Variants in DVL3 observed in about 807,000 individuals in gnomAD.
DVL3 encodes the protein dishevelled segment polarity protein 3.
Under a neutral mutation model 67.4 loss-of-function variants are expected in DVL3, and 27 were observed. The observed-to-expected ratio is 0.40, with a 90% CI of 0.30 to 0.55. The LOEUF is 0.55. Among genes scored for constraint, DVL3 ranks in the 20% least tolerant of loss-of-function variants. The probability of loss-of-function intolerance (pLI) is 0.46; values close to 1 mark genes in which losing one functional copy is unlikely to be tolerated. For missense variants in DVL3, 819 were observed against 1,021.5 expected, an observed-to-expected ratio of 0.80 and a Z score of 2.70; for synonymous variants, 369 against 396.8, an observed-to-expected ratio of 0.93 and a Z score of 0.83.
At chr3:184,161,541 C>T (rs1209450209) in intron 1 of DVL3, among the ~76,000 whole-genome samples, 7 of 152,174 alleles carry the variant, frequency 4.6e-5, no homozygotes, top group Admixed American at 2.0e-4. Flanking sequence ...GTCATGTCTT[C>T]CCATCTCTGT....
chr3:184,164,599 A>G lies in DVL3; in HGVS notation c.461A>G (p.His154Arg), dbSNP rs144177739. The change falls in exon 4 of 15, where the codon CAT (histidine) becomes CGT (arginine). Residue 154 changes from histidine (H) to arginine (R), a missense_variant and splice_region_variant. Physicochemically the swap from His to Arg is conservative, Grantham distance 29. Coordinates refer to ENST00000313143, the MANE Select transcript of DVL3 (RefSeq NM_004423.4). The surrounding 1 kb of genome is among the most constrained non-coding windows in gnomAD (Gnocchi z 5.3). ...ERPRRRDGPE[H>R]ATRLNGTAKG... ...CCACGCCGGAGGGATGGCCCAGAGC[A>G]TGGTATATCTTCCTGAACACGGACA... The G allele has an allele frequency of 1.9e-6, 3 of 1,552,790 alleles. No individual in the cohort carries two copies. The highest frequency in any genetic ancestry group is 2.7e-5 in the African/African-American group (2 of 73,328).
intron 1 of DVL3, among the ~76,000 whole-genome samples, chr3:184,158,516 C>T (rs1166417750): frequency 6.6e-6 from 1 of 152,056 alleles, no homozygotes; most frequent in Non-Finnish European, 1.5e-5. Context: ...GAATCCTCTC[C>T]GAGGGAGGTG....
chr3:184,155,546 G>A lies in DVL3; in HGVS notation c.-90G>A. On this transcript the variant is annotated 5_prime_UTR_variant, in exon 1 of 15. Transcript: ENST00000313143. The surrounding 1 kb of genome is among the most constrained non-coding windows in gnomAD (Gnocchi z 5.4). ...AGCCGCCGAGCTGGGTTGAGCCGCTGGGCCGCGCCGCGCGCCGCCGCCGTC... is the reference window on the plus strand; with the variant it reads ...AGCCGCCGAGCTGGGTTGAGCCGCTAGGCCGCGCCGCGCGCCGCCGCCGTC... 1.2e-6 allele frequency: 1 copy of A among 858,398 alleles called. No homozygotes were observed. The highest frequency in any genetic ancestry group is 1.4e-6 in the Non-Finnish European group (1 of 713,370). 53.2% of individuals were successfully genotyped at this position (858,398 alleles called of 1,614,324 possible).
At chr3:184,156,477 T>A in intron 1 of DVL3, 1 of 456,732 alleles carries the variant, frequency 2.2e-6, no homozygotes, top group South Asian at 1.5e-5. Context: ...TTCGGGCTTT[T>A]TTCCTCCAGT....
rs1459437342 is a variant in DVL3, at chr3:184,172,295, C to G, written c.*1540C>G. The G allele has an allele frequency of 6.6e-6, 1 of 152,224 alleles. No homozygotes were observed. Among genetic ancestry groups the G allele is most frequent in the East Asian group, 1.9e-4 (1 of 5,192 alleles). 9.4% of individuals were successfully genotyped at this position (152,224 alleles called of 1,614,324 possible). A position where few individuals can be genotyped will look rare whatever the true frequency, so the allele number is the denominator to read the frequency against. On this transcript the variant is annotated 3_prime_UTR_variant, in exon 15 of 15. Coordinates refer to ENST00000313143, the MANE Select transcript of DVL3 (RefSeq NM_004423.4). ...TCTACTTTAAACAAATCATAACTTT[C>G]TCTTTAAGCCTCTGCTATAAATTCT... is the stretch of plus-strand genomic sequence containing the variant.
At chr3:184,156,796 C>A (rs1714209642) in intron 1 of DVL3, 1 of 284,452 alleles carries the variant, frequency 3.5e-6, no homozygotes, top group Non-Finnish European at 7.0e-6. Context: ...GCCTCACTAA[C>A]TGGGCGCTGG....
At position 184,166,122 on chromosome 3, in the gene DVL3, A is replaced by G. The variant is rs780427517; in HGVS notation, c.764-4A>G. The G allele has an allele frequency of 2.5e-6, 4 of 1,612,532 alleles. No individual in the cohort carries two copies. Among genetic ancestry groups the G allele is most frequent in the South Asian group, 1.1e-5 (1 of 90,898 alleles). On this transcript the variant is annotated splice_polypyrimidine_tract_variant and splice_region_variant and intron_variant, in intron 7 of 14. Transcript: ENST00000313143. The surrounding 1 kb of genome is among the most constrained non-coding windows in gnomAD (Gnocchi z 6.7). ...CCCTTAAGGTCTTAAATTACTCTCT[A>G]TAGAAAAATATAACTTCTTGGGCAT...
intron 1 of DVL3, chr3:184,156,409 G>C (rs1461377861): frequency 4.4e-6 from 2 of 456,726 alleles, no homozygotes; most frequent in Middle Eastern, 6.5e-4. Flanking sequence ...CACCGGAACA[G>C]AGAGCCTGAC....
At chr3:184,160,785 C>G (rs1714353749) in intron 1 of DVL3, among the ~76,000 whole-genome samples, 1 of 152,124 alleles carries the variant, frequency 6.6e-6, no homozygotes. Flanking sequence ...ACAGGCAGAC[C>G]CTATCCAAAG....
rs747666443 is a variant in DVL3, at chr3:184,155,728, G to A, written c.93G>A (p.Ala31=). Residue 31 remains alanine (A), a synonymous_variant, in exon 1 of 15, where the codon GCG becomes GCA. Transcript: ENST00000313143. The surrounding 1 kb of genome is among the most constrained non-coding windows in gnomAD (Gnocchi z 5.4). ...LPLPAERVTL[A]DFKGVLQRPS... ...TGCCCGCCGAGCGCGTCACCTTGGC[G>A]GACTTTAAGGGCGTTTTGCAGCGAC... 1.2e-5 allele frequency: 20 copies of A among 1,613,078 alleles called. No individual in the cohort carries two copies. The highest frequency in any genetic ancestry group is 1.4e-5 in the Non-Finnish European group (16 of 1,179,752).
At position 184,167,221 on chromosome 3, in the gene DVL3, G is replaced by T. The variant is rs149796849; in HGVS notation, c.1198+246G>T. On this transcript the variant is annotated intron_variant, in intron 11 of 14. Coordinates refer to ENST00000313143, the MANE Select transcript of DVL3 (RefSeq NM_004423.4). This position sits in a 1 kb window ranked among gnomAD's most constrained non-coding sequence, Gnocchi z 4.6. ...TTTCCTCTTACAAAATGGGACTCAC[G>T]ATATAAACTTTACCAGGTTCCTGTG... is the stretch of plus-strand genomic sequence containing the variant. Among the ~76,000 whole-genome samples the T allele has an allele frequency of 2.0e-5, 3 of 152,160 alleles. No individual in the cohort carries two copies. Among genetic ancestry groups the T allele is most frequent in the Non-Finnish European group, 2.9e-5 (2 of 68,032 alleles).
Position 184,163,857 on chromosome 3 carries a change from C to A in DVL3, c.231+131C>A. On this transcript the variant is annotated intron_variant, in intron 2 of 14. Transcript: ENST00000313143. This position sits in a 1 kb window ranked among gnomAD's most constrained non-coding sequence, Gnocchi z 4.5. ...ATCTTTCTTTAGTTTTGCAAATGAA[C>A]TGCTTCTCACCCCAGATTCTGTAAC... 2.6e-6 allele frequency: 2 copies of A among 762,228 alleles called. No homozygotes were observed. Among genetic ancestry groups the A allele is most frequent in the South Asian group, 1.7e-5 (1 of 57,804 alleles). 47.2% of individuals were successfully genotyped at this position (762,228 alleles called of 1,614,324 possible). A position where few individuals can be genotyped will look rare whatever the true frequency, so the allele number is the denominator to read the frequency against.
intron 1 of DVL3, among the ~76,000 whole-genome samples, chr3:184,160,616 C>T (rs1714347531): frequency 6.6e-6 from 1 of 152,090 alleles, no homozygotes. Flanking sequence ...GTCTGAGGTT[C>T]CCCAAAGCTG....
chr3:184,159,454 C>T (rs1714304968), intron 1 of DVL3, among the ~76,000 whole-genome samples: 1 of 101,762 alleles, frequency 9.8e-6, no homozygotes, highest in Non-Finnish European at 2.1e-5. Context: ...ACCTCTGCCT[C>T]CCGGGTTCAA....
intron 13 of DVL3, among the ~76,000 whole-genome samples, chr3:184,169,008 C>T (rs1230189973): frequency 6.6e-6 from 1 of 152,148 alleles, no homozygotes; most frequent in Non-Finnish European, 1.5e-5. Context: ...TTCTTTCCTT[C>T]TGGCCCCTTC....
In DVL3 at chr3:184,170,444, C is replaced by T; in HGVS notation, c.1840C>T (p.Arg614Trp). ...GGACCACACCACACGCAGCAGCCTG[C>T]GGGGGCCGCGGGAGCGGGCGCCCAG... ...ESDHTTRSSL[R>W]GPRERAPSER... The change falls in exon 15 of 15, where the codon CGG becomes TGG. Residue 614 changes from arginine (R) to tryptophan (W), a missense_variant. Transcript: ENST00000313143. The surrounding 1 kb of genome is among the most constrained non-coding windows in gnomAD (Gnocchi z 6.5). 6.3e-7 allele frequency: 1 copy of T among 1,582,634 alleles called. No homozygotes were observed. The highest frequency in any genetic ancestry group is 8.6e-7 in the Non-Finnish European group (1 of 1,165,758).
Position 184,170,593 on chromosome 3 carries a change from C to T in DVL3, c.1989C>T (p.Gly663=), listed in dbSNP as rs763380227. The T allele has an allele frequency of 2.5e-6, 4 of 1,602,674 alleles. No individual in the cohort carries two copies. Among genetic ancestry groups the T allele is most frequent in the South Asian group, 2.2e-5 (2 of 90,522 alleles). Residue 663 remains glycine, a synonymous_variant, in exon 15 of 15, where the codon GGC becomes GGT. Coordinates refer to ENST00000313143, the MANE Select transcript of DVL3 (RefSeq NM_004423.4). The surrounding 1 kb of genome is among the most constrained non-coding windows in gnomAD (Gnocchi z 6.5). ...CTCCCGGAGTGCCCCCTCTCTACGGCCCCCCCATGCTGATGATGCCCCCGC... is the reference window on the plus strand; with the variant it reads ...CTCCCGGAGTGCCCCCTCTCTACGGTCCCCCCATGCTGATGATGCCCCCGC... ...YGPPGVPPLY[G]PPMLMMPPPP... is the part of the protein sequence containing the mutation.
chr3:184,158,972 C>T (rs943020081), intron 1 of DVL3, among the ~76,000 whole-genome samples: 6 of 151,678 alleles, frequency 4.0e-5, no homozygotes, highest in Non-Finnish European at 7.4e-5. Context: ...GATGGGGTTT[C>T]ACCACGTTGG....
In DVL3 at chr3:184,164,216, T is replaced by C; in HGVS notation, c.232-51T>C. On this transcript the variant is annotated intron_variant, in intron 2 of 14. Transcript: ENST00000313143. This position sits in a 1 kb window ranked among gnomAD's most constrained non-coding sequence, Gnocchi z 5.3. ...GCCTTGCTGGAAGTGAACTATCCCC[T>C]TCTCCTTGATGCTCCTGTAACATAC... 1 of 1,596,280 alleles carries C rather than the reference T, an allele frequency of 6.3e-7. No homozygotes were observed. The highest frequency in any genetic ancestry group is 1.7e-5 in the Admixed American group (1 of 57,308).
Sources: gnomAD v4.1 joint callset for allele counts (sites outside exome capture counted in the v4.1 genomes callset) on GRCh38, gnomAD v4.1.1 for gene constraint, Gnocchi (gnomAD v3.1) non-coding constraint, MANE v1.5 for transcripts, NCBI Gene and HGNC (gene_info 2026-07-23, HGNC 2026-07-21) for gene names.